Variants in RIMS2 observed in about 807,000 individuals in gnomAD.
The protein encoded by RIMS2 is regulating synaptic membrane exocytosis 2, also known as regulating synaptic membrane exocytosis protein 2.
Under a neutral mutation model 174.4 loss-of-function variants are expected in RIMS2, and 59 were observed. The observed-to-expected ratio is 0.34, with a 90% confidence interval of 0.27 to 0.42. RIMS2 has a LOEUF of 0.42. Ranked by LOEUF, RIMS2 falls within the 10% of genes least tolerant of loss-of-function variation. RIMS2 has a pLI of 1.00. For missense variants in RIMS2, 1,620 were observed against 1,666.3 expected (o/e 0.97, Z 0.48); for synonymous variants, 606 against 572.5 (o/e 1.06, Z -0.84).
intron 6 of RIMS2, among the ~76,000 whole-genome samples, chr8:103,913,009 A>G (rs2075999010): frequency 8.1e-6 from 1 of 122,922 alleles, no homozygotes; most frequent in Admixed American, 1.0e-4. Context: ...GTCTCGCTGT[A>G]TGTCCCAGGC....
chr8:103,771,247 G>A (rs1446491562), intron 3 of RIMS2, among the ~76,000 whole-genome samples: 2 of 152,072 alleles, frequency 1.3e-5, no homozygotes, highest in Non-Finnish European at 2.9e-5. Flanking sequence ...TGAGTTTCAA[G>A]TATGTTTTTA....
At chr8:104,188,219 TCAGA>T (rs1670646715) in intron 19 of RIMS2, among the ~76,000 whole-genome samples, 1 of 125,094 alleles carries the variant, frequency 8.0e-6, no homozygotes, top group Non-Finnish European at 1.7e-5. Flanking sequence ...AATGGTTTGT[TCAGA>T]TAGATAGATA....
intron 19 of RIMS2, among the ~76,000 whole-genome samples, chr8:104,027,270 G>A (rs1028969351): frequency 6.6e-6 from 1 of 152,132 alleles, no homozygotes; most frequent in Non-Finnish European, 1.5e-5. Context: ...AAACTTAAGT[G>A]TACCTGTTGT....
chr8:103,644,920 T>C (rs2096296532), intron 1 of RIMS2, among the ~76,000 whole-genome samples: 1 of 152,000 alleles, frequency 6.6e-6, no homozygotes, highest in Non-Finnish European at 1.5e-5. Context: ...ACATGATTTC[T>C]TGCAGATTCT....
At chr8:103,821,301 T>C (rs1263052516) in intron 3 of RIMS2, among the ~76,000 whole-genome samples, 1 of 151,726 alleles carries the variant, frequency 6.6e-6, no homozygotes, top group African/African-American at 2.4e-5. Context: ...ATGCTGCTGC[T>C]CTTAAACATA....
chr8:103,918,373 TA>T, intron 8 of RIMS2, 67 bp from the exon 12 acceptor site: 2 of 959,768 alleles, frequency 2.1e-6, no homozygotes, highest in South Asian at 3.5e-5. Flanking sequence ...TTGATAATAA[TA>T]AAAAATATGA....
intron 21 of RIMS2, among the ~76,000 whole-genome samples, chr8:104,249,098 T>G (rs2099350615): frequency 1.5e-5 from 2 of 129,448 alleles, no homozygotes; most frequent in Non-Finnish European, 1.6e-5. Context: ...CCAGCAAATA[T>G]TTTGACTTTT....
chr8:103,533,234 A>G lies in RIMS2; in HGVS notation c.176+32172A>G, dbSNP rs548533488. Among the ~76,000 whole-genome samples, 5 of 152,358 alleles carry G rather than the reference A, an allele frequency of 3.3e-5. No homozygotes were observed. In the South Asian group the frequency reaches 1.0e-3, roughly 32 times the overall value. Reference sequence around the variant, plus strand: ...TTGCAGGAACTGAAAAAATGTATCTAGAGAAAATAAACATTAAGCCTTTTG... The same window carrying G: ...TTGCAGGAACTGAAAAAATGTATCTGGAGAAAATAAACATTAAGCCTTTTG... On this transcript the variant is annotated intron_variant, in intron 1 of 23. Transcript: ENST00000504942.
intron 2 of RIMS2, among the ~76,000 whole-genome samples, chr8:103,749,712 A>G (rs1054365742): frequency 5.3e-5 from 8 of 152,146 alleles, no homozygotes; most frequent in African/African-American, 1.9e-4. Context: ...CACTAATATA[A>G]TTTTACAAAT....
At chr8:103,672,025 T>A (rs2096750862) in intron 1 of RIMS2, among the ~76,000 whole-genome samples, 1 of 152,154 alleles carries the variant, frequency 6.6e-6, no homozygotes, top group African/African-American at 2.4e-5. Flanking sequence ...ACATATCAAA[T>A]ATGTCAAAGG....
intron 3 of RIMS2, among the ~76,000 whole-genome samples, chr8:103,881,970 T>TA (rs1481832412): frequency 6.6e-6 from 1 of 151,430 alleles, no homozygotes; most frequent in Non-Finnish European, 1.5e-5. Context: ...ATGCCACAAA[T>TA]ACATTTTATA....
chr8:104,256,063 C>T (rs539532977), downstream of RIMS2: 2 of 152,338 alleles, frequency 1.3e-5, no homozygotes, highest in East Asian at 3.9e-4. Flanking sequence ...ATGTTTGACA[C>T]ATAGCTGCTC....
At position 103,971,002 on chromosome 8, in the gene RIMS2, A is replaced by C. The variant is rs150005013; in HGVS notation, c.2771-4348A>C. Among the ~76,000 whole-genome samples the C allele has an allele frequency of 3.4e-3, 521 of 152,234 alleles. 2 individuals carry two copies. The highest frequency in any genetic ancestry group is 5.8e-3 in the Non-Finnish European group (394 of 68,016). On this transcript the variant is annotated intron_variant, in intron 15 of 23. Coordinates refer to ENST00000504942, the Ensembl canonical transcript of RIMS2. ...TATGGAAATTTTTCTCAAGTAAGCA[A>C]TTCTAGGCATGGAGTTTTCCCCCCC...
At chr8:103,690,074 C>T in intron 1 of RIMS2, among the ~76,000 whole-genome samples, 1 of 151,574 alleles carries the variant, frequency 6.6e-6, no homozygotes. Context: ...GATTCTACTG[C>T]CTCAGCCTTC....
chr8:103,652,856 A>C, intron 1 of RIMS2, 146 bp downstream of exon 3: 1 of 347,208 alleles, frequency 2.9e-6, no homozygotes, highest in South Asian at 2.7e-5. Flanking sequence ...ACCCTTAATG[A>C]AAATCTATAA....
intron 1 of RIMS2, among the ~76,000 whole-genome samples, chr8:103,601,585 G>A (rs1412131246): frequency 6.6e-6 from 1 of 151,846 alleles, no homozygotes; most frequent in East Asian, 1.9e-4. Context: ...TTTCTTGTAG[G>A]CAACAGATCA....
intron 14 of RIMS2, among the ~76,000 whole-genome samples, chr8:103,952,515 G>A (rs372774949): frequency 6.6e-6 from 1 of 152,288 alleles, no homozygotes; most frequent in East Asian, 1.9e-4. Context: ...CTGCAGCAGA[G>A]GAGCCTGACT....
intron 1 of RIMS2, among the ~76,000 whole-genome samples, chr8:103,603,562 T>A (rs201459704): frequency 6.6e-6 from 1 of 152,262 alleles, no homozygotes; most frequent in South Asian, 2.1e-4. Flanking sequence ...GGATCCCTGA[T>A]GAATCGCCAC....
At chr8:103,719,481 T>G (rs2097419136) in intron 2 of RIMS2, among the ~76,000 whole-genome samples, 1 of 152,236 alleles carries the variant, frequency 6.6e-6, no homozygotes, top group South Asian at 2.1e-4. Flanking sequence ...AGTACTCATC[T>G]GTATGTTTTT....
Sources: allele counts gnomAD v4.1 joint callset (sites outside exome capture counted in the v4.1 genomes callset), GRCh38; gene constraint gnomAD v4.1.1; transcripts MANE v1.5; gene names NCBI Gene and HGNC (gene_info 2026-07-23, HGNC 2026-07-21).